CNTN4: variants seen among roughly 807,000 people sequenced by gnomAD.
CNTN4 encodes the protein contactin 4.
A neutral mutation model predicts 122.5 loss-of-function variants in CNTN4; 77 were observed. That is an observed-to-expected ratio of 0.63 (90% CI 0.52 to 0.76). The LOEUF (loss-of-function observed/expected upper bound fraction) is 0.76. Ranked by LOEUF, CNTN4 falls within the 30% of genes least tolerant of loss-of-function variation. The pLI is 0.00. For missense variants in CNTN4, 1,256 were observed against 1,259.1 expected, an observed-to-expected ratio of 1.00 and a Z score of 0.04; for synonymous variants, 512 against 447.0, an observed-to-expected ratio of 1.15 and a Z score of -1.83.
chr3:2,530,309 C>CTTTT (rs1206246281), intron 3 of CNTN4, among the ~76,000 whole-genome samples: 12 of 134,700 alleles, frequency 8.9e-5, no homozygotes, highest in South Asian at 4.7e-4. Flanking sequence ...TTCTCCTCTT[C>CTTTT]TTTTTTTTTT....
intron 2 of CNTN4, among the ~76,000 whole-genome samples, chr3:2,143,351 G>C (rs1021920021): frequency 6.6e-6 from 1 of 152,160 alleles, no homozygotes; most frequent in Non-Finnish European, 1.5e-5. Flanking sequence ...TACATAAGCT[G>C]TGTGCCAAAA....
At chr3:2,876,206 T>C (rs1227184905) in intron 8 of CNTN4, among the ~76,000 whole-genome samples, 3 of 152,184 alleles carry the variant, frequency 2.0e-5, no homozygotes, top group Non-Finnish European at 4.4e-5. Flanking sequence ...CAACAGTTGT[T>C]GCCCCATACT....
At chr3:2,617,938 C>G (rs1164772799) in intron 4 of CNTN4, among the ~76,000 whole-genome samples, 1 of 152,108 alleles carries the variant, frequency 6.6e-6, no homozygotes, top group East Asian at 1.9e-4. Context: ...CACATTACAA[C>G]AATTATTTCA....
chr3:3,038,810 C>A, intron 18 of CNTN4, 123 bp from the exon 19 acceptor site: 1 of 734,298 alleles, frequency 1.4e-6, no homozygotes, highest in South Asian at 1.6e-5. Flanking sequence ...TTGCTGATCT[C>A]CAGAGACAAA....
intron 3 of CNTN4, among the ~76,000 whole-genome samples, chr3:2,420,549 C>A (rs1055042652): frequency 6.6e-6 from 1 of 151,982 alleles, no homozygotes; most frequent in African/African-American, 2.4e-5. Flanking sequence ...AATTCTTGGG[C>A]CTCAGTCTAC....
intron 2 of CNTN4, among the ~76,000 whole-genome samples, chr3:2,306,159 C>G (rs1480196929): frequency 6.6e-6 from 1 of 152,068 alleles, no homozygotes; most frequent in Non-Finnish European, 1.5e-5. Context: ...AGTGGAATTG[C>G]TGGGTCATAT....
intron 12 of CNTN4, among the ~76,000 whole-genome samples, chr3:2,919,408 A>AT (rs1419602743): frequency 2.6e-5 from 4 of 151,918 alleles, no homozygotes; most frequent in Non-Finnish European, 5.9e-5. Flanking sequence ...AATTGACTTA[A>AT]TTCTTCAATA....
At chr3:2,303,760 C>G (rs745317743) in intron 2 of CNTN4, among the ~76,000 whole-genome samples, 15 of 152,098 alleles carry the variant, frequency 9.9e-5, no homozygotes, top group Non-Finnish European at 2.2e-4. Context: ...GAGGACAGCT[C>G]CAAGTTTATG....
chr3:2,510,799 T>C (rs2076865580), intron 3 of CNTN4, among the ~76,000 whole-genome samples: 1 of 152,078 alleles, frequency 6.6e-6, no homozygotes, highest in South Asian at 2.1e-4. Flanking sequence ...AGGCTACTGG[T>C]TTATAACCCC....
At chr3:2,260,307 C>T (rs190851629) in intron 2 of CNTN4, among the ~76,000 whole-genome samples, 12 of 152,012 alleles carry the variant, frequency 7.9e-5, no homozygotes, top group Non-Finnish European at 1.8e-4. Context: ...TAGCACCACC[C>T]GAGTTGTGAT....
chr3:2,342,392 A>G (rs2044240890), intron 3 of CNTN4, among the ~76,000 whole-genome samples: 2 of 152,208 alleles, frequency 1.3e-5, no homozygotes, highest in South Asian at 2.1e-4. Flanking sequence ...TGAAGTACTG[A>G]TACATGCAAC....
chr3:2,259,793 G>C (rs1287561550), intron 2 of CNTN4, among the ~76,000 whole-genome samples: 1 of 152,140 alleles, frequency 6.6e-6, no homozygotes, highest in Non-Finnish European at 1.5e-5. Flanking sequence ...GGCGGGGGAC[G>C]CAGCCAAATG....
At chr3:2,494,496 C>T (rs1276982362) in intron 3 of CNTN4, among the ~76,000 whole-genome samples, 3 of 152,030 alleles carry the variant, frequency 2.0e-5, no homozygotes, top group Non-Finnish European at 2.9e-5. Flanking sequence ...AGCCAAGGTT[C>T]TTGTTATGTA....
chr3:2,979,611 G>GT (rs397976602), intron 13 of CNTN4, among the ~76,000 whole-genome samples: 9,203 of 140,894 alleles, frequency 0.065, 659 homozygotes, highest in African/African-American at 0.19. Flanking sequence ...GGCCCTTTGA[G>GT]TTTTTTTTTT....
chr3:2,885,568 T>C (rs1577153743), intron 9 of CNTN4, among the ~76,000 whole-genome samples: 1 of 152,236 alleles, frequency 6.6e-6, no homozygotes, highest in East Asian at 1.9e-4. Flanking sequence ...TTATTTCTAC[T>C]ATCATTTATT....
chr3:3,056,095 G>A (rs1164146771), intron 24 of CNTN4, 25 bp from the exon 25 acceptor site: 1 of 1,596,262 alleles, frequency 6.3e-7, no homozygotes, highest in Non-Finnish European at 8.6e-7. Context: ...GGGCTGTTTT[G>A]AGTGAATTTG....
At chr3:2,937,174 C>T (rs528375797) in intron 13 of CNTN4, among the ~76,000 whole-genome samples, 1 of 152,146 alleles carries the variant, frequency 6.6e-6, no homozygotes, top group Non-Finnish European at 1.5e-5. Flanking sequence ...TTGTGACTTA[C>T]ACTTTTGATT....
chr3:2,277,272 T>G (rs1342297382), intron 2 of CNTN4, among the ~76,000 whole-genome samples: 4 of 150,510 alleles, frequency 2.7e-5, no homozygotes, highest in African/African-American at 9.9e-5. Context: ...TGGTGCAAAC[T>G]TATTCCTGGA....
chr3:2,954,076 G>C (rs1006896961), intron 13 of CNTN4, among the ~76,000 whole-genome samples: 1 of 152,036 alleles, frequency 6.6e-6, no homozygotes, highest in Non-Finnish European at 1.5e-5. Flanking sequence ...ATGCATAATC[G>C]TTTCCAAAAT....
Sources: allele counts gnomAD v4.1 joint callset (sites outside exome capture counted in the v4.1 genomes callset), GRCh38; gene constraint gnomAD v4.1.1; transcripts MANE v1.5; gene names NCBI Gene and HGNC (gene_info 2026-07-23, HGNC 2026-07-21).